Variants in TAF10 observed in about 807,000 individuals in gnomAD.
TAF10 encodes the protein transcription initiation factor TFIID subunit 10.
TAF10 carries 2 observed loss-of-function variants against 18.1 expected under a neutral mutation model. The observed-to-expected ratio is 0.11, with a 90% CI of 0.05 to 0.35. The LOEUF (loss-of-function observed/expected upper bound fraction) is 0.35, where lower values mean the gene tolerates loss of function less well. Ranked by LOEUF, TAF10 falls within the 10% of genes least tolerant of loss-of-function variation. The pLI is 1.00. For missense variants in TAF10, 293 were observed against 306.9 expected (o/e 0.95, Z 0.34); for synonymous variants, 158 against 134.6 (o/e 1.17, Z -1.20).
In TAF10 at chr11:6,607,990, C is replaced by A; in HGVS notation, c.*2932G>T. 6.3e-7 allele frequency: 1 copy of A among 1,579,914 alleles called. No homozygotes were observed. Among genetic ancestry groups the A allele is most frequent in the South Asian group, 1.1e-5 (1 of 89,950 alleles). On this transcript the variant is annotated 3_prime_UTR_variant, in exon 5 of 5. Coordinates refer to ENST00000299424, the MANE Select transcript of TAF10 (RefSeq NM_006284.4). ...ATGTAATTATCAGTTTTTCAGGAAT[C>A]AAAACCTTTGCCCCATCCCACCTCC... is the stretch of plus-strand genomic sequence containing the variant.
Position 6,610,182 on chromosome 11 carries a change from C to G in TAF10, c.*740G>C, listed in dbSNP as rs771345060. ...AGAAGCCTGAAGACACAAACAGACG[C>G]TCAGCAGACATGTGGAGTTTTGCAG... On this transcript the variant is annotated 3_prime_UTR_variant, in exon 5 of 5. Transcript: ENST00000299424. 9.3e-6 allele frequency: 15 copies of G among 1,614,118 alleles called. No homozygotes were observed. The highest frequency in any genetic ancestry group is 1.3e-5 in the Non-Finnish European group (15 of 1,180,060).
Position 6,608,505 on chromosome 11 carries a change from T to G in TAF10, c.*2417A>C. 5 of 1,592,676 alleles carry G rather than the reference T, an allele frequency of 3.1e-6. No homozygotes were observed. The highest frequency in any genetic ancestry group is 1.1e-5 in the South Asian group (1 of 90,686). ...AGTGGCAGAGGTGAGTACTCAGCCC[T>G]TAATTCCTGAGATGGGTAGGAAGTA... On this transcript the variant is annotated 3_prime_UTR_variant, in exon 5 of 5. Transcript: ENST00000299424. This position sits in a 1 kb window ranked among gnomAD's most constrained non-coding sequence, Gnocchi z 4.9.
At position 6,610,530 on chromosome 11, in the gene TAF10, G is replaced by A. The variant is rs1444258722; in HGVS notation, c.*392C>T. On this transcript the variant is annotated 3_prime_UTR_variant, in exon 5 of 5. Transcript: ENST00000299424. Reference sequence around the variant, plus strand: ...CCCCTCATGTGTGTAAGCTCATGAAGATCTGCATGAATGAAGACCCTGCAA... The same window carrying A: ...CCCCTCATGTGTGTAAGCTCATGAAAATCTGCATGAATGAAGACCCTGCAA... 4 of 1,614,228 alleles carry A rather than the reference G, an allele frequency of 2.5e-6. No individual in the cohort carries two copies. The Admixed American group carries it at 5.0e-5, about 20-fold the overall frequency.
chr11:6,612,006 C>G lies in TAF10; in HGVS notation c.184G>C (p.Gly62Arg), dbSNP rs1233334502. 1 of 1,545,940 alleles carries G rather than the reference C, an allele frequency of 6.5e-7. No homozygotes were observed. Among genetic ancestry groups the G allele is most frequent in the Admixed American group, 1.9e-5 (1 of 53,438 alleles). Residue 62 changes from glycine (G) to arginine (R), a missense_variant, in exon 1 of 5, where the codon GGA (glycine) becomes CGA (arginine). Coordinates refer to ENST00000299424, the MANE Select transcript of TAF10 (RefSeq NM_006284.4). ...TCCCCGGCCCGCGCCGCCAAGGGTCCCGTGCCCCCAGCAGCTGCTCCAGCC... is the reference window on the plus strand; with the variant it reads ...TCCCCGGCCCGCGCCGCCAAGGGTCGCGTGCCCCCAGCAGCTGCTCCAGCC... Reference protein sequence around the residue: ...PGAGAAAGGTGPLAARAGEPA... With the variant: ...PGAGAAAGGTRPLAARAGEPA...
Position 6,610,782 on chromosome 11 carries a change from CG to C in TAF10, c.*139del. On this transcript the variant is annotated 3_prime_UTR_variant, in exon 5 of 5. Coordinates refer to ENST00000299424, the MANE Select transcript of TAF10 (RefSeq NM_006284.4). ...CCTACCACTGTGGCCCCAAGAGGGG[CG>C]GGCTCAGAGCTTTGTCACTTGCCAC... The C allele has an allele frequency of 7.6e-7, 1 of 1,324,432 alleles. No homozygotes were observed. Among genetic ancestry groups the C allele is most frequent in the Non-Finnish European group, 1.1e-6 (1 of 933,800 alleles). 82.0% of individuals were successfully genotyped at this position (1,324,432 alleles called of 1,614,324 possible). A position where few individuals can be genotyped will look rare whatever the true frequency, so the allele number is the denominator to read the frequency against.
chr11:6,611,606 C>T (rs968078477), intron 2 of TAF10, 58 bp downstream of exon 2: 2 of 1,581,548 alleles, frequency 1.3e-6, no homozygotes, highest in South Asian at 2.3e-5. Context: ...CTGAAAAGCA[C>T]GATGTGGCTG....
Position 6,610,856 on chromosome 11 carries a change from A to C in TAF10, c.*66T>G. ...GGATCAGCCCCGCCTGTCACAATAA[A>C]GTTTATTATGAAAACAGGCTGGTGT... is the stretch of plus-strand genomic sequence containing the variant. On this transcript the variant is annotated 3_prime_UTR_variant, in exon 5 of 5. Transcript: ENST00000299424. The C allele has an allele frequency of 2.5e-6, 4 of 1,574,182 alleles. No individual in the cohort carries two copies. Among genetic ancestry groups the C allele is most frequent in the Non-Finnish European group, 3.5e-6 (4 of 1,144,150 alleles).
In TAF10 at chr11:6,607,269, CTTTAT is replaced by C. The variant is rs1357778970; in HGVS notation, c.*3648_*3652del. On this transcript the variant is annotated 3_prime_UTR_variant, in exon 5 of 5. Transcript: ENST00000299424. ...TGTTTTGTTTTGTTTGTATACTTTA[CTTTAT>C]AAAATACATATTTCTTGGAAAAGAA... is the stretch of plus-strand genomic sequence containing the variant. 6.6e-6 allele frequency: 1 copy of C among 152,110 alleles called. No individual in the cohort carries two copies. Among genetic ancestry groups the C allele is most frequent in the Non-Finnish European group, 1.5e-5 (1 of 68,050 alleles). The allele number at this position is 152,110 out of a possible 1,614,324, so 9.4% of individuals were successfully genotyped here. A position where few individuals can be genotyped will look rare whatever the true frequency, so the allele number is the denominator to read the frequency against.
intron 2 of TAF10, 83 bp downstream of exon 2, chr11:6,611,581 A>G: frequency 6.3e-7 from 1 of 1,589,478 alleles, no homozygotes. Context: ...CTAGGGGAGC[A>G]AATGGAAGAG....
chr11:6,610,320 G>T lies in TAF10; in HGVS notation c.*602C>A, dbSNP rs2134573556. The T allele has an allele frequency of 6.2e-7, 1 of 1,613,826 alleles. No individual in the cohort carries two copies. The highest frequency in any genetic ancestry group is 1.1e-5 in the South Asian group (1 of 91,066). On this transcript the variant is annotated 3_prime_UTR_variant, in exon 5 of 5. Transcript: ENST00000299424. ...ATACATTTGTGTTGCGGGAGTGGTT[G>T]GTGATGGTGAAAATAACTGTAGTGG... is the stretch of plus-strand genomic sequence containing the variant.
Position 6,608,741 on chromosome 11 carries a change from A to C in TAF10, c.*2181T>G, listed in dbSNP as rs1236957131. On this transcript the variant is annotated 3_prime_UTR_variant, in exon 5 of 5. Coordinates refer to ENST00000299424, the MANE Select transcript of TAF10 (RefSeq NM_006284.4). The surrounding 1 kb of genome is among the most constrained non-coding windows in gnomAD (Gnocchi z 4.9). ...TTGTCAGCATCTGTAACAAGTATGG[A>C]GAGATGCCTGTGGACAAAGCCAAGG... is the stretch of plus-strand genomic sequence containing the variant. 1.9e-6 allele frequency: 3 copies of C among 1,614,116 alleles called. No homozygotes were observed. Among genetic ancestry groups the C allele is most frequent in the South Asian group, 2.2e-5 (2 of 91,086 alleles).
rs1218758755 is a variant in TAF10, at chr11:6,609,558, T to TCTC, written c.*1361_*1363dup. On this transcript the variant is annotated 3_prime_UTR_variant, in exon 5 of 5. Transcript: ENST00000299424. The stretch of plus-strand genomic sequence containing the variant: ...GCTCCCAGTGCTAGGTGCCTGCCAG[T>TCTC]CTCCACCTGCTCCTCATCCTACTCT... 1.9e-6 allele frequency: 3 copies of TCTC among 1,614,098 alleles called. No homozygotes were observed. Among genetic ancestry groups the TCTC allele is most frequent in the Non-Finnish European group, 2.5e-6 (3 of 1,180,004 alleles).
rs779240233 is a variant in TAF10 at position 6,609,549 on chromosome 11, G to C, written c.*1373C>G. On this transcript the variant is annotated 3_prime_UTR_variant, in exon 5 of 5. Transcript: ENST00000299424. ...TCCAAATGTGCTCCCAGTGCTAGGTGCCTGCCAGTCTCCACCTGCTCCTCA... is the reference window on the plus strand; with the variant it reads ...TCCAAATGTGCTCCCAGTGCTAGGTCCCTGCCAGTCTCCACCTGCTCCTCA... 4 of 1,614,078 alleles carry C rather than the reference G, an allele frequency of 2.5e-6. No homozygotes were observed. The highest frequency in any genetic ancestry group is 3.4e-6 in the Non-Finnish European group (4 of 1,180,010).
intron 2 of TAF10, 72 bp from the exon 3 acceptor site, chr11:6,611,524 A>T: frequency 6.2e-7 from 1 of 1,602,540 alleles, no homozygotes; most frequent in Non-Finnish European, 8.5e-7. Context: ...CCTGATTATC[A>T]GGAAGCTCAC....
Position 6,612,128 on chromosome 11 carries a change from G to C in TAF10, c.62C>G (p.Pro21Arg), listed in dbSNP as rs1224857099. The change falls in exon 1 of 5, where the codon CCG becomes CGG. Residue 21 changes from proline (P) to arginine (R), a missense_variant. Pro to Arg is a moderately radical substitution (Grantham distance 103, BLOSUM62 -2). Transcript: ENST00000299424. ...AGCCGAGACCGGGGGCGCGGGGCCC[G>C]GGGCCGAGGCGGCGGAGGCCGGCGC... is the stretch of plus-strand genomic sequence containing the variant. ...EAAPASAASA[P>R]GPAPPVSAPA... is the part of the protein sequence containing the mutation. The C allele has an allele frequency of 3.0e-5, 36 of 1,210,034 alleles. No individual in the cohort carries two copies. In the Admixed American group the frequency reaches 1.1e-3, roughly 36 times the overall value. The allele number at this position is 1,210,034 out of a possible 1,614,324, so 75.0% of individuals were successfully genotyped here.
chr11:6,608,354 T>C lies in TAF10; in HGVS notation c.*2568A>G, dbSNP rs775528722. The C allele has an allele frequency of 6.9e-6, 11 of 1,596,214 alleles. No homozygotes were observed. The African/African-American group carries it at 1.3e-4, about 19-fold the overall frequency. ...CCAGTATCTCATTTGGAACTGACTG[T>C]ACTTTCTGCCTCTTCTTTTTGTCTG... is the stretch of plus-strand genomic sequence containing the variant. On this transcript the variant is annotated 3_prime_UTR_variant, in exon 5 of 5. Coordinates refer to ENST00000299424, the MANE Select transcript of TAF10 (RefSeq NM_006284.4). This position sits in a 1 kb window ranked among gnomAD's most constrained non-coding sequence, Gnocchi z 4.9.
rs776377555 is a variant in TAF10, at chr11:6,611,933, C to A, written c.232+25G>T. 7 of 1,575,250 alleles carry A rather than the reference C, an allele frequency of 4.4e-6. No individual in the cohort carries two copies. The Admixed American group carries it at 1.2e-4, about 27-fold the overall frequency. ...TGGACCCAGCCCAAGACGCTTCCCT[C>A]GCCCTCACCCGTCCCGGCCCTCACC... On this transcript the variant is annotated intron_variant, in intron 1 of 4. Coordinates refer to ENST00000299424, the MANE Select transcript of TAF10 (RefSeq NM_006284.4).
At chr11:6,611,632 G>T in intron 2 of TAF10, 32 bp downstream of exon 2, 1 of 1,577,038 alleles carries the variant, frequency 6.3e-7, no homozygotes, top group South Asian at 1.2e-5. Flanking sequence ...TTTGACAGCA[G>T]GCTAGGTGGC....
rs1855096084 is a variant in TAF10 at position 6,607,993 on chromosome 11, A to C, written c.*2929T>G. On this transcript the variant is annotated 3_prime_UTR_variant, in exon 5 of 5. Transcript: ENST00000299424. ...TAATTATCAGTTTTTCAGGAATCAA[A>C]ACCTTTGCCCCATCCCACCTCCAGC... 1.3e-6 allele frequency: 2 copies of C among 1,591,624 alleles called. No individual in the cohort carries two copies. The highest frequency in any genetic ancestry group is 8.6e-7 in the Non-Finnish European group (1 of 1,161,432).
Sources: allele counts gnomAD v4.1 joint callset, GRCh38; gene constraint gnomAD v4.1.1; non-coding constraint Gnocchi (gnomAD v3.1); transcripts MANE v1.5; gene names NCBI Gene and HGNC (gene_info 2026-07-23, HGNC 2026-07-21).